Variants in PKIG observed in about 807,000 individuals in gnomAD.
PKIG encodes the protein protein kinase (cAMP-dependent, catalytic) inhibitor gamma.
A neutral mutation model predicts 6.8 loss-of-function variants in PKIG; 1 was observed. That is an observed-to-expected ratio of 0.15 (90% CI 0.05 to 0.69). The LOEUF is 0.69. Ranked by LOEUF, PKIG falls within the 30% of genes least tolerant of loss-of-function variation. PKIG has a pLI of 0.82. For synonymous variants in PKIG, 39 were observed against 43.0 expected (o/e 0.91, Z 0.36); for missense variants, 77 against 104.0 (o/e 0.74, Z 1.13).
chr20:44,603,937 T>G (rs955015904), intron 2 of PKIG, among the ~76,000 whole-genome samples: 3 of 151,876 alleles, frequency 2.0e-5, no homozygotes, highest in Non-Finnish European at 2.9e-5. Context: ...TTTTAATCAT[T>G]GAAGGTTTCT....
chr20:44,610,922 G>C (rs1286777714), intron 2 of PKIG, among the ~76,000 whole-genome samples: 1 of 151,796 alleles, frequency 6.6e-6, no homozygotes, highest in Non-Finnish European at 1.5e-5. Context: ...GGTGCAACTT[G>C]ATGTTTTGAT....
At chr20:44,559,498 G>GT (rs2064747969) in intron 1 of PKIG, among the ~76,000 whole-genome samples, 1 of 152,184 alleles carries the variant, frequency 6.6e-6, no homozygotes, top group South Asian at 2.1e-4. Flanking sequence ...TCATCATCCT[G>GT]TTTTAGCTGA....
At chr20:44,578,985 G>A (rs528246026), upstream of PKIG, among the ~76,000 whole-genome samples, 15 of 152,256 alleles carry the variant, frequency 9.9e-5, no homozygotes, top group East Asian at 9.7e-4. Context: ...CAGCCTGGGC[G>A]TATGGTGAGA....
intron 2 of PKIG, among the ~76,000 whole-genome samples, chr20:44,590,471 A>G (rs1472597487): frequency 6.6e-6 from 1 of 152,212 alleles, no homozygotes; most frequent in Non-Finnish European, 1.5e-5. Context: ...TCCATAGTTT[A>G]TGATATCTAA....
intron 1 of PKIG, among the ~76,000 whole-genome samples, chr20:44,559,085 C>T (rs1299830875): frequency 6.6e-6 from 1 of 152,164 alleles, no homozygotes; most frequent in Non-Finnish European, 1.5e-5. Context: ...TCCATCTCAT[C>T]TGCCTGTTTT....
upstream of PKIG, among the ~76,000 whole-genome samples, chr20:44,580,401 A>C (rs1325020596): frequency 6.6e-6 from 1 of 151,448 alleles, no homozygotes. Flanking sequence ...GCTGGAGTGC[A>C]GTGGTGCAAT....
At chr20:44,583,824 A>G (rs1050799430) in intron 1 of PKIG, among the ~76,000 whole-genome samples, 4 of 152,160 alleles carry the variant, frequency 2.6e-5, no homozygotes, top group Non-Finnish European at 5.9e-5. Context: ...TTTAGGAGCA[A>G]AGGACCCTAG....
At chr20:44,548,901 CACAT>C (rs71865342) in intron 1 of PKIG, among the ~76,000 whole-genome samples, 2,345 of 85,046 alleles carry the variant, frequency 0.028, 28 homozygotes, top group African/African-American at 0.037. Flanking sequence ...CACACACACA[CACAT>C]ATATCTGTCT....
rs1225042878 is a variant in PKIG at position 44,569,376 on chromosome 20, A to G, written c.-240-13209A>G. ...TCCACCAACCTTCCTTCTTTGGCCAATTTAACAAAAATTATAAAACTAATA... is the reference window on the plus strand; with the variant it reads ...TCCACCAACCTTCCTTCTTTGGCCAGTTTAACAAAAATTATAAAACTAATA... On this transcript the variant is annotated intron_variant, in intron 1 of 4. Coordinates refer to the PKIG transcript ENST00000372887. Among the ~76,000 whole-genome samples the G allele has an allele frequency of 4.6e-5, 7 of 152,242 alleles. No individual in the cohort carries two copies. In the East Asian group the frequency reaches 5.8e-4, roughly 13 times the overall value.
intron 2 of PKIG, among the ~76,000 whole-genome samples, chr20:44,595,148 A>G (rs573115728): frequency 6.6e-6 from 1 of 152,368 alleles, no homozygotes; most frequent in Admixed American, 6.5e-5. Context: ...TGTGATGTCT[A>G]GAGCTGGAGT....
intron 1 of PKIG, among the ~76,000 whole-genome samples, chr20:44,543,524 T>C (rs1258756988): frequency 6.6e-6 from 1 of 152,232 alleles, no homozygotes; most frequent in Non-Finnish European, 1.5e-5. Flanking sequence ...TCTCAGCACC[T>C]ACTCCATTGC....
At chr20:44,561,608 T>C (rs758654330) in intron 1 of PKIG, among the ~76,000 whole-genome samples, 9 of 152,170 alleles carry the variant, frequency 5.9e-5, no homozygotes, top group Non-Finnish European at 1.3e-4. Flanking sequence ...AATATGCATT[T>C]AAAAAAATTT....
intron 1 of PKIG, among the ~76,000 whole-genome samples, chr20:44,556,655 G>A (rs1034356958): frequency 3.9e-5 from 6 of 152,244 alleles, no homozygotes; most frequent in Non-Finnish European, 8.8e-5. Context: ...GAGCCACCGC[G>A]CCTGGCCAAT....
chr20:44,567,619 A>G (rs1258221840), intron 1 of PKIG, among the ~76,000 whole-genome samples: 2 of 152,020 alleles, frequency 1.3e-5, no homozygotes, highest in African/African-American at 4.8e-5. Flanking sequence ...TCCCACTTTC[A>G]GTGTACCTTC....
At chr20:44,547,438 G>A (rs1211564825) in intron 1 of PKIG, among the ~76,000 whole-genome samples, 1 of 152,184 alleles carries the variant, frequency 6.6e-6, no homozygotes, top group Non-Finnish European at 1.5e-5. Context: ...TTTGTGGGGA[G>A]AGAAGCAGGC....
chr20:44,545,240 C>T (rs1320326712), intron 1 of PKIG, among the ~76,000 whole-genome samples: 1 of 151,998 alleles, frequency 6.6e-6, no homozygotes, highest in Non-Finnish European at 1.5e-5. Context: ...CTGCAATGCC[C>T]GGCCTGCATT....
chr20:44,589,455 A>G (rs551820496), intron 1 of PKIG, among the ~76,000 whole-genome samples: 27 of 152,366 alleles, frequency 1.8e-4, no homozygotes, highest in African/African-American at 6.5e-4. Flanking sequence ...GTACAATGAA[A>G]TCTCCTTCAT....
intron 1 of PKIG, among the ~76,000 whole-genome samples, chr20:44,554,895 A>G (rs1349898976): frequency 6.6e-6 from 1 of 152,204 alleles, no homozygotes; most frequent in Non-Finnish European, 1.5e-5. Context: ...CAGGAAAATA[A>G]TCATCTTATT....
Position 44,613,043 on chromosome 20 carries a change from C to T in PKIG, c.-23-1491C>T, listed in dbSNP as rs1400498162. On this transcript the variant is annotated intron_variant, in intron 2 of 3. Coordinates refer to ENST00000372886, the MANE Select transcript of PKIG (RefSeq NM_001281445.2). Reference sequence around the variant, plus strand: ...CAAAACACAACATAAGGTATGGTCCCAAATCATTTCTAAATGTATGTGGCT... The same window carrying T: ...CAAAACACAACATAAGGTATGGTCCTAAATCATTTCTAAATGTATGTGGCT... Among the ~76,000 whole-genome samples, 3 of 152,286 alleles carry T rather than the reference C, an allele frequency of 2.0e-5. No homozygotes were observed. In the East Asian group the frequency reaches 5.8e-4, roughly 29 times the overall value.
Sources: allele counts gnomAD v4.1 joint callset (sites outside exome capture counted in the v4.1 genomes callset), GRCh38; gene constraint gnomAD v4.1.1; transcripts MANE v1.5; gene names NCBI Gene and HGNC (gene_info 2026-07-23, HGNC 2026-07-21).